Variants in PRKCE observed in about 807,000 individuals in gnomAD.
PRKCE encodes protein kinase C epsilon type.
PRKCE carries 16 observed loss-of-function variants against 85.4 expected under a neutral mutation model. The observed-to-expected ratio is 0.19, with a 90% CI of 0.13 to 0.28. PRKCE has a LOEUF of 0.28. Ranked by LOEUF, PRKCE falls within the 10% of genes least tolerant of loss-of-function variation. The pLI, the probability that PRKCE is intolerant of heterozygous loss-of-function variation, is 1.00. For synonymous variants in PRKCE, 388 were observed against 371.5 expected (o/e 1.04, Z -0.51); for missense variants, 573 against 975.2 (o/e 0.59, Z 5.49).
At chr2:45,755,132 A>AG (rs1413312974) in intron 1 of PRKCE, among the ~76,000 whole-genome samples, 3 of 152,170 alleles carry the variant, frequency 2.0e-5, no homozygotes, top group African/African-American at 7.2e-5. Context: ...TCCTGACCCA[A>AG]GGGGGATGAT....
chr2:45,809,704 T>G, intron 1 of PRKCE, among the ~76,000 whole-genome samples: 1 of 149,310 alleles, frequency 6.7e-6, no homozygotes, highest in African/African-American at 2.5e-5. Flanking sequence ...GCCAACATGG[T>G]GAAACCCTGT....
At position 46,139,862 on chromosome 2, in the gene PRKCE, G is replaced by A. The variant is rs1383466815; in HGVS notation, c.1593-5231G>A. Among the ~76,000 whole-genome samples the A allele has an allele frequency of 1.3e-5, 2 of 152,022 alleles. No individual in the cohort carries two copies. The highest frequency in any genetic ancestry group is 2.9e-5 in the Non-Finnish European group (2 of 68,000). On this transcript the variant is annotated intron_variant, in intron 11 of 14. Transcript: ENST00000306156. This position sits in a 1 kb window ranked among gnomAD's most constrained non-coding sequence, Gnocchi z 5.2. ...CACATAACTACACCCTGCTCCAAGG[G>A]CAGCTTTTAATTCTAGTTCATGGCT...
At chr2:45,879,335 C>T (rs1348157615) in intron 2 of PRKCE, among the ~76,000 whole-genome samples, 4 of 152,200 alleles carry the variant, frequency 2.6e-5, no homozygotes, top group African/African-American at 2.4e-5. Flanking sequence ...TGCTGAGAGC[C>T]ACTTCCATTG....
chr2:45,798,445 C>A (rs1211734298), intron 1 of PRKCE, among the ~76,000 whole-genome samples: 4 of 152,138 alleles, frequency 2.6e-5, no homozygotes, highest in South Asian at 2.1e-4. Context: ...TTTTGTGGGA[C>A]CTCCTGTAGG....
Position 45,652,508 on chromosome 2 carries a change from T to G in PRKCE, c.348+60T>G, listed in dbSNP as rs1675169415. On this transcript the variant is annotated intron_variant, in intron 1 of 14. Coordinates refer to ENST00000306156, the MANE Select transcript of PRKCE (RefSeq NM_005400.3). The surrounding 1 kb of genome is among the most constrained non-coding windows in gnomAD (Gnocchi z 7.7). The stretch of plus-strand genomic sequence containing the variant: ...CGGTTGTGGGGTCCCGGGGAAAGAC[T>G]CGCTGGTCTTGATCGTAGGGCTCCG... The G allele has an allele frequency of 1.4e-6, 2 of 1,446,282 alleles. No individual in the cohort carries two copies. Among genetic ancestry groups the G allele is most frequent in the Non-Finnish European group, 1.9e-6 (2 of 1,074,262 alleles). The allele number at this position is 1,446,282 out of a possible 1,614,324, so 89.6% of individuals were successfully genotyped here.
intron 11 of PRKCE, among the ~76,000 whole-genome samples, chr2:46,112,317 A>G (rs1672336991): frequency 2.6e-5 from 4 of 152,298 alleles, no homozygotes; most frequent in East Asian, 3.9e-4. Context: ...GAAAACAGAT[A>G]GTGGAGTATT....
chr2:46,101,114 C>A (rs1051989779), intron 11 of PRKCE, among the ~76,000 whole-genome samples: 3 of 152,184 alleles, frequency 2.0e-5, no homozygotes, highest in Admixed American at 6.5e-5. Context: ...AGTGATCTGT[C>A]CGCCTTGGCC....
At chr2:45,721,146 G>T (rs868669487) in intron 1 of PRKCE, among the ~76,000 whole-genome samples, 2 of 152,056 alleles carry the variant, frequency 1.3e-5, no homozygotes, top group Admixed American at 6.6e-5. Context: ...GCTAGGTGCT[G>T]TCGGAAGAGC....
intron 1 of PRKCE, among the ~76,000 whole-genome samples, chr2:45,792,320 C>T (rs1237530048): frequency 6.6e-6 from 1 of 152,176 alleles, no homozygotes; most frequent in Non-Finnish European, 1.5e-5. Flanking sequence ...CCCCATAACC[C>T]AGACACCTCT....
intron 1 of PRKCE, among the ~76,000 whole-genome samples, chr2:45,769,209 A>G (rs886506872): frequency 1.3e-5 from 2 of 152,132 alleles, no homozygotes; most frequent in African/African-American, 4.8e-5. Context: ...CTTCCTTTGT[A>G]TACTCTTGAC....
At chr2:46,183,557 G>A (rs1680201914) in intron 14 of PRKCE, among the ~76,000 whole-genome samples, 1 of 152,184 alleles carries the variant, frequency 6.6e-6, no homozygotes, top group Non-Finnish European at 1.5e-5. Flanking sequence ...GTGCTGTGGG[G>A]GAGAGGGGAC....
rs1467796497 is a variant in PRKCE, at chr2:45,937,329, T to G, written c.413-39100T>G. Among the ~76,000 whole-genome samples, 8 of 152,214 alleles carry G rather than the reference T, an allele frequency of 5.3e-5. No homozygotes were observed. In the East Asian group the frequency reaches 1.5e-3, roughly 29 times the overall value. On this transcript the variant is annotated intron_variant, in intron 2 of 14. Transcript: ENST00000306156. ...GAATACACTTAGGACTCCCTGTGTCTCCTTCTGAGGGTGACCTGAGCCACG... is the reference window on the plus strand; with the variant it reads ...GAATACACTTAGGACTCCCTGTGTCGCCTTCTGAGGGTGACCTGAGCCACG...
At chr2:45,792,796 A>G (rs1456975841) in intron 1 of PRKCE, among the ~76,000 whole-genome samples, 1 of 152,092 alleles carries the variant, frequency 6.6e-6, no homozygotes, top group Non-Finnish European at 1.5e-5. Context: ...TAGGTGGTAT[A>G]ATTAATTAAT....
intron 1 of PRKCE, among the ~76,000 whole-genome samples, chr2:45,753,259 C>G (rs140314565): frequency 1.1e-4 from 17 of 152,266 alleles, no homozygotes; most frequent in African/African-American, 4.1e-4. Context: ...TTAAGGAGGG[C>G]TTGGGCAGTA....
At chr2:45,886,737 G>A (rs1482441652) in intron 2 of PRKCE, among the ~76,000 whole-genome samples, 3 of 152,266 alleles carry the variant, frequency 2.0e-5, no homozygotes, top group East Asian at 3.9e-4. Context: ...TATGAAGCTC[G>A]TAAACCTTTT....
intron 1 of PRKCE, among the ~76,000 whole-genome samples, chr2:45,768,285 T>G (rs966637783): frequency 2.6e-5 from 4 of 152,246 alleles, no homozygotes; most frequent in Admixed American, 2.0e-4. Context: ...AATGCTTTTT[T>G]CCTTGGCCTT....
At chr2:45,744,478 TTTCTTTCTTTTTCTTTCTTTC>T (rs1558623725) in intron 1 of PRKCE, among the ~76,000 whole-genome samples, 3,724 of 57,804 alleles carry the variant, frequency 0.064, 240 homozygotes, top group African/African-American at 0.13. Context: ...TCTTTCTTTC[TTTCTTTCTTTTTCTTTCTTTC>T]TTTTCTTTCT....
At chr2:45,832,908 C>T (rs73928831) in intron 1 of PRKCE, among the ~76,000 whole-genome samples, 10,797 of 152,104 alleles carry the variant, frequency 0.071, 647 homozygotes, top group African/African-American at 0.16. Context: ...GTAGAGTATT[C>T]AATAAAGGGT....
chr2:45,909,088 A>G (rs888479656), intron 2 of PRKCE, among the ~76,000 whole-genome samples: 3 of 152,300 alleles, frequency 2.0e-5, no homozygotes, highest in African/African-American at 7.2e-5. Context: ...AACACCAAAC[A>G]GTTTTGCTAA....
Sources: allele counts gnomAD v4.1 joint callset (sites outside exome capture counted in the v4.1 genomes callset), GRCh38; gene constraint gnomAD v4.1.1; non-coding constraint Gnocchi (gnomAD v3.1); transcripts MANE v1.5; gene names NCBI Gene and HGNC (gene_info 2026-07-23, HGNC 2026-07-21).